Variants in ITGAV observed in about 807,000 individuals in gnomAD.
The protein encoded by ITGAV is integrin subunit alpha V.
Under a neutral mutation model 143.8 loss-of-function variants are expected in ITGAV, and 76 were observed. That is an observed-to-expected ratio of 0.53 (90% confidence interval 0.44 to 0.64). The LOEUF is 0.64. Ranked by LOEUF, ITGAV falls within the 30% of genes least tolerant of loss-of-function variation. ITGAV has a pLI of 0.00. For missense variants in ITGAV, 1,193 were observed against 1,274.7 expected (o/e 0.94, Z 0.98); for synonymous variants, 453 against 446.7 (o/e 1.01, Z -0.18).
intron 26 of ITGAV, among the ~76,000 whole-genome samples, chr2:186,671,797 C>T (rs770038889): frequency 6.6e-5 from 10 of 152,082 alleles, no homozygotes; most frequent in Non-Finnish European, 1.2e-4. Context: ...ATCACCAGCC[C>T]CTGGTGACCA....
Position 186,655,725 on chromosome 2 carries a change from C to G in ITGAV, c.1565-522C>G, listed in dbSNP as rs78731976. ...CTTGATGCATTTAACTCTGTTTGAT[C>G]ACTTGCTTCCTGAAGGCATATTCAT... On this transcript the variant is annotated intron_variant, in intron 16 of 29. Coordinates refer to ENST00000261023, the MANE Select transcript of ITGAV (RefSeq NM_002210.5). Among the ~76,000 whole-genome samples the G allele has an allele frequency of 2.9e-3, 443 of 152,322 alleles. 4 individuals carry two copies. Among genetic ancestry groups the G allele is most frequent in the African/African-American group, 9.7e-3 (404 of 41,562 alleles).
At chr2:186,665,352 A>C in intron 21 of ITGAV, 134 bp downstream of exon 21, 1 of 624,808 alleles carries the variant, frequency 1.6e-6, no homozygotes, top group African/African-American at 1.8e-5. Flanking sequence ...TAATAGTTAA[A>C]TGATTAGCAG....
chr2:186,595,523 T>G (rs551649376), intron 1 of ITGAV, among the ~76,000 whole-genome samples: 1 of 152,280 alleles, frequency 6.6e-6, no homozygotes, highest in South Asian at 2.1e-4. Flanking sequence ...CTGTCTCTTG[T>G]CCTTCCTCTC....
At chr2:186,627,272 G>A (rs187556926) in intron 4 of ITGAV, among the ~76,000 whole-genome samples, 5 of 152,306 alleles carry the variant, frequency 3.3e-5, no homozygotes, top group South Asian at 4.1e-4. Context: ...TACATATAGA[G>A]TAAGTCAGTG....
At chr2:186,643,238 A>G (rs1031205599) in intron 12 of ITGAV, among the ~76,000 whole-genome samples, 1 of 152,164 alleles carries the variant, frequency 6.6e-6, no homozygotes, top group Admixed American at 6.5e-5. Flanking sequence ...TTTTTGTTAT[A>G]ATGTGTCGTC....
At chr2:186,677,139 A>T in intron 29 of ITGAV, 58 bp from the exon 30 acceptor site, 10 of 1,494,438 alleles carry the variant, frequency 6.7e-6, no homozygotes, top group Non-Finnish European at 9.2e-6. Context: ...CACCCAAAAA[A>T]TACTTTTCGT....
chr2:186,609,793 C>CAT (rs34432414), intron 2 of ITGAV, among the ~76,000 whole-genome samples: 105,177 of 150,406 alleles, frequency 0.7, 37,045 homozygotes, highest in East Asian at 0.85. Context: ...ATGTGCCCTA[C>CAT]ATATATATAT....
chr2:186,664,144 G>A (rs975529506), intron 19 of ITGAV, among the ~76,000 whole-genome samples: 2 of 152,108 alleles, frequency 1.3e-5, no homozygotes, highest in African/African-American at 2.4e-5. Context: ...TTACCATTTT[G>A]TAAGGCATAT....
chr2:186,669,201 G>A (rs932787055), intron 25 of ITGAV, among the ~76,000 whole-genome samples: 2 of 152,128 alleles, frequency 1.3e-5, no homozygotes, highest in Non-Finnish European at 2.9e-5. Context: ...CCATCACGTT[G>A]TTGTTTCTTC....
chr2:186,599,582 C>A, intron 1 of ITGAV, among the ~76,000 whole-genome samples: 1 of 152,304 alleles, frequency 6.6e-6, no homozygotes, highest in East Asian at 1.9e-4. Context: ...GCAGCCTCAA[C>A]CTCCTGGGCT....
chr2:186,671,019 A>ATCAGTAT (rs1689046982), intron 26 of ITGAV, among the ~76,000 whole-genome samples: 1 of 152,174 alleles, frequency 6.6e-6, no homozygotes, highest in Non-Finnish European at 1.5e-5. Context: ...AGCAAATTGC[A>ATCAGTAT]TCAGTATTTT....
chr2:186,643,165 G>C (rs553459456), intron 12 of ITGAV, among the ~76,000 whole-genome samples: 5 of 152,256 alleles, frequency 3.3e-5, no homozygotes, highest in African/African-American at 1.2e-4. Flanking sequence ...TGTTATTCCA[G>C]TTACTTTAAA....
chr2:186,637,618 C>G (rs1396153371), intron 8 of ITGAV, among the ~76,000 whole-genome samples: 1 of 152,174 alleles, frequency 6.6e-6, no homozygotes, highest in Non-Finnish European at 1.5e-5. Flanking sequence ...TGAACTTCCT[C>G]TAGTGGCTGC....
intron 5 of ITGAV, 69 bp from the exon 6 acceptor site, chr2:186,633,260 C>T (rs573098093): frequency 2.5e-4 from 234 of 931,348 alleles, no homozygotes; most frequent in Non-Finnish European, 3.6e-4. Flanking sequence ...TTATGTTTTT[C>T]ATTGATTTCT....
chr2:186,677,268 T>C lies in ITGAV; in HGVS notation c.3123T>C (p.Asn1041=), dbSNP rs759647653. 17 of 1,613,378 alleles carry C rather than the reference T, an allele frequency of 1.1e-5. No individual in the cohort carries two copies. The highest frequency in any genetic ancestry group is 1.6e-4 in the Middle Eastern group (1 of 6,082). The change falls in exon 30 of 30, where the codon AAT becomes AAC. Residue 1041 remains asparagine (N), a synonymous_variant. Coordinates refer to ENST00000261023, the MANE Select transcript of ITGAV (RefSeq NM_002210.5). Reference sequence around the variant, plus strand: ...GGGAGCAGCTTCAACCTCATGAAAATGGTGAAGGAAACTCAGAAACTTAAC... The same window carrying C: ...GGGAGCAGCTTCAACCTCATGAAAACGGTGAAGGAAACTCAGAAACTTAAC... ...QEREQLQPHE[N]GEGNSET
chr2:186,631,889 G>A (rs923036061), intron 5 of ITGAV, among the ~76,000 whole-genome samples: 2 of 152,062 alleles, frequency 1.3e-5, no homozygotes, highest in African/African-American at 4.8e-5. Context: ...AGCCAGGCAT[G>A]GGTGACATGT....
At chr2:186,600,198 T>G in intron 1 of ITGAV, 1 of 772,784 alleles carries the variant, frequency 1.3e-6, no homozygotes, top group Non-Finnish European at 2.1e-6. Flanking sequence ...CCTTCAGCCA[T>G]ACCTTTCTTT....
At chr2:186,674,703 C>T (rs1414703794) in intron 26 of ITGAV, among the ~76,000 whole-genome samples, 2 of 151,778 alleles carry the variant, frequency 1.3e-5, no homozygotes, top group East Asian at 1.9e-4. Flanking sequence ...GTAGAGATGG[C>T]ATTTCACCAT....
intron 6 of ITGAV, among the ~76,000 whole-genome samples, chr2:186,635,135 A>G (rs958669836): frequency 6.6e-6 from 1 of 152,158 alleles, no homozygotes; most frequent in Non-Finnish European, 1.5e-5. Context: ...GTTGTCTGTA[A>G]TATATAGCTA....
Sources: gnomAD v4.1 joint callset for allele counts (sites outside exome capture counted in the v4.1 genomes callset) on GRCh38, gnomAD v4.1.1 for gene constraint, MANE v1.5 for transcripts, NCBI Gene and HGNC (gene_info 2026-07-23, HGNC 2026-07-21) for gene names.